USH2A: variants seen among roughly 807,000 people sequenced by gnomAD.
USH2A encodes usherin, also known as Usher syndrome 2A (autosomal recessive, mild).
In USH2A, 443 loss-of-function variants were observed where a neutral mutation model predicts 538.9. The observed-to-expected ratio is 0.82, with a 90% CI of 0.76 to 0.89. The LOEUF (loss-of-function observed/expected upper bound fraction) is 0.89, where lower values mean the gene tolerates loss of function less well. USH2A is among the 40% of genes least tolerant of loss of function. USH2A has a pLI of 0.00. For missense variants in USH2A, 6,633 were observed against 6,324.8 expected, an observed-to-expected ratio of 1.05 and a Z score of -1.65; for synonymous variants, 2,413 against 2,273.5, an observed-to-expected ratio of 1.06 and a Z score of -1.75.
chr1:216,081,769 T>C (rs927773119), intron 26 of USH2A, among the ~76,000 whole-genome samples: 2 of 151,920 alleles, frequency 1.3e-5, no homozygotes, highest in African/African-American at 4.8e-5. Context: ...TTTATTTTTA[T>C]TTTCATAGAA....
intron 35 of USH2A, among the ~76,000 whole-genome samples, chr1:215,977,154 A>C (rs933838318): frequency 6.6e-6 from 1 of 152,126 alleles, no homozygotes; most frequent in East Asian, 1.9e-4. Flanking sequence ...CAAAGAATGA[A>C]TCAGGAAGAA....
At chr1:215,917,780 C>CAAAAAAAA (rs869080030) in intron 38 of USH2A, among the ~76,000 whole-genome samples, 8 of 89,616 alleles carry the variant, frequency 8.9e-5, no homozygotes, top group African/African-American at 1.8e-4. Flanking sequence ...CCTATCACTA[C>CAAAAAAAA]AAAAAAAAAA....
At chr1:215,772,995 C>T (rs1298282009) in intron 55 of USH2A, among the ~76,000 whole-genome samples, 7 of 152,130 alleles carry the variant, frequency 4.6e-5, no homozygotes, top group Non-Finnish European at 1.0e-4. Context: ...GTGGTCTGGC[C>T]CCTCGGCTGC....
At chr1:215,907,295 G>A (rs1665664111) in intron 38 of USH2A, among the ~76,000 whole-genome samples, 1 of 151,972 alleles carries the variant, frequency 6.6e-6, no homozygotes, top group Non-Finnish European at 1.5e-5. Flanking sequence ...GAACTCCTTA[G>A]AACCTTACCT....
At chr1:216,242,380 AT>A (rs550468715) in intron 13 of USH2A, among the ~76,000 whole-genome samples, 150 of 147,766 alleles carry the variant, frequency 1.0e-3, no homozygotes, top group African/African-American at 1.1e-3. Flanking sequence ...GAAAAAAAAA[AT>A]ATATATATAT....
chr1:215,933,597 G>A (rs1666416663), intron 38 of USH2A, among the ~76,000 whole-genome samples: 1 of 151,774 alleles, frequency 6.6e-6, no homozygotes, highest in Non-Finnish European at 1.5e-5. Context: ...TTTTTGCAGG[G>A]GAGCGGTTCC....
intron 57 of USH2A, 94 bp downstream of exon 57, chr1:215,759,566 A>G: frequency 2.0e-6 from 3 of 1,506,674 alleles, no homozygotes; most frequent in Non-Finnish European, 2.7e-6. Context: ...TAATTAAACA[A>G]TTTAACAACT....
Position 215,866,987 on chromosome 1 carries a change from G to A in USH2A, c.8845+20C>T, listed in dbSNP as rs749163608. 2 of 1,614,044 alleles carry A rather than the reference G, an allele frequency of 1.2e-6. No individual in the cohort carries two copies. The highest frequency in any genetic ancestry group is 4.5e-5 in the East Asian group (2 of 44,870). ...TAAAAATACACAAAGTGTTAACACA[G>A]GTATGAGAAGCTTACTTACTTGGTT... On this transcript the variant is annotated intron_variant, in intron 44 of 71. Transcript: ENST00000307340.
chr1:216,328,527 G>A (rs953339703), intron 4 of USH2A, among the ~76,000 whole-genome samples: 3 of 151,952 alleles, frequency 2.0e-5, no homozygotes, highest in Non-Finnish European at 4.4e-5. Context: ...TAAAATTGGA[G>A]CAATTTTAAT....
intron 21 of USH2A, among the ~76,000 whole-genome samples, chr1:216,147,419 GCTC>G (rs915542311): frequency 6.6e-5 from 10 of 152,182 alleles, no homozygotes; most frequent in African/African-American, 2.2e-4. Flanking sequence ...CAAGGTTAAT[GCTC>G]CTTTTTCTTT....
chr1:215,729,790 C>G (rs1208765437), intron 60 of USH2A, among the ~76,000 whole-genome samples: 2 of 152,124 alleles, frequency 1.3e-5, no homozygotes, highest in Non-Finnish European at 2.9e-5. Flanking sequence ...GCTACTAGGC[C>G]TGGCTAACTT....
intron 37 of USH2A, among the ~76,000 whole-genome samples, chr1:215,961,974 C>A (rs1472923204): frequency 6.6e-6 from 1 of 151,862 alleles, no homozygotes; most frequent in African/African-American, 2.4e-5. Flanking sequence ...ATATAAAGAA[C>A]TTCTTAAACC....
At chr1:215,800,506 T>C (rs6674067) in intron 49 of USH2A, among the ~76,000 whole-genome samples, 2,341 of 152,288 alleles carry the variant, frequency 0.015, 52 homozygotes, top group African/African-American at 0.053. Flanking sequence ...TCTTAAGAAA[T>C]GGCACAAATC....
chr1:215,627,485 T>TTTCCTTCCTTCCTTCCTTCTTTCC (rs1656095000), intron 71 of USH2A, among the ~76,000 whole-genome samples: 1 of 94,512 alleles, frequency 1.1e-5, no homozygotes, highest in Non-Finnish European at 2.2e-5. Flanking sequence ...TCCTTCCTTC[T>TTTCCTTCCTTCCTTCCTTCTTTCC]TTCCTTCCTT....
intron 3 of USH2A, among the ~76,000 whole-genome samples, chr1:216,390,172 T>C (rs1459434084): frequency 1.3e-5 from 2 of 152,136 alleles, no homozygotes; most frequent in African/African-American, 2.4e-5. Context: ...CTAGGAAATA[T>C]GGAAATGTGT....
chr1:215,901,002 C>T (rs184827150), intron 38 of USH2A, 97 bp from the exon 39 acceptor site: 10 of 1,441,954 alleles, frequency 6.9e-6, no homozygotes, highest in Admixed American at 3.6e-5. Context: ...AACTGTTCCT[C>T]AGGATCAACA....
intron 60 of USH2A, among the ~76,000 whole-genome samples, chr1:215,740,379 ATC>A (rs957291965): frequency 3.3e-5 from 5 of 151,586 alleles, no homozygotes; most frequent in African/African-American, 1.2e-4. Context: ...CTCTCTCTCA[ATC>A]TCTCTTTGTC....
intron 4 of USH2A, among the ~76,000 whole-genome samples, chr1:216,355,619 C>T (rs551471791): frequency 1.3e-5 from 2 of 151,958 alleles, no homozygotes; most frequent in South Asian, 2.1e-4. Flanking sequence ...GGAGGTTCTT[C>T]GGATTAAGAA....
At chr1:216,100,933 T>C (rs2032562396) in intron 21 of USH2A, among the ~76,000 whole-genome samples, 1 of 152,182 alleles carries the variant, frequency 6.6e-6, no homozygotes, top group Admixed American at 6.5e-5. Context: ...TAAAATATAA[T>C]ATTTTACACA....
Sources: allele counts gnomAD v4.1 joint callset (sites outside exome capture counted in the v4.1 genomes callset), GRCh38; gene constraint gnomAD v4.1.1; transcripts MANE v1.5; gene names NCBI Gene and HGNC (gene_info 2026-07-23, HGNC 2026-07-21).